IFT74: variants seen among roughly 807,000 people sequenced by gnomAD.
The protein encoded by IFT74 is intraflagellar transport 74.
IFT74 carries 92 observed loss-of-function variants against 96.7 expected under a neutral mutation model. That is an observed-to-expected ratio of 0.95 (90% CI 0.80 to 1.13). The LOEUF is 1.13. IFT74 is among the 50% of genes most tolerant of loss of function. IFT74 has a pLI of 0.00. For synonymous variants in IFT74, 223 were observed against 213.2 expected, an observed-to-expected ratio of 1.05 and a Z score of -0.40; for missense variants, 811 against 698.2, an observed-to-expected ratio of 1.16 and a Z score of -1.82.
At chr9:27,033,105 CAT>C (rs1364680345) in intron 13 of IFT74, among the ~76,000 whole-genome samples, 7 of 152,260 alleles carry the variant, frequency 4.6e-5, no homozygotes, top group African/African-American at 1.7e-4. Flanking sequence ...CATTGATAAA[CAT>C]ATTTTTAAAT....
chr9:27,018,584 C>T, intron 11 of IFT74, 63 bp from the exon 12 acceptor site: 2 of 846,260 alleles, frequency 2.4e-6, no homozygotes, highest in Non-Finnish European at 3.7e-6. Flanking sequence ...AGGAAATTAT[C>T]TTTAAGATAG....
chr9:26,973,182 A>C (rs1396254021), intron 2 of IFT74, among the ~76,000 whole-genome samples: 1 of 152,230 alleles, frequency 6.6e-6, no homozygotes, highest in South Asian at 2.1e-4. Context: ...ACTGATGATC[A>C]TAAGGAATTT....
At chr9:26,994,536 CAAAAA>C (rs1170964624) in intron 8 of IFT74, 3 of 58,308 alleles carry the variant, frequency 5.1e-5, no homozygotes, top group East Asian at 5.9e-4. Context: ...GACTTTGTCT[CAAAAA>C]AAAAAAAAAA....
chr9:27,040,078 T>C (rs896264609), intron 13 of IFT74, among the ~76,000 whole-genome samples: 2 of 152,166 alleles, frequency 1.3e-5, no homozygotes, highest in African/African-American at 2.4e-5. Context: ...GATACAGCCT[T>C]GAAAACGGCT....
chr9:27,048,124 A>G (rs747150354), intron 15 of IFT74, 24 bp from the exon 16 acceptor site: 7 of 1,518,184 alleles, frequency 4.6e-6, no homozygotes, highest in Admixed American at 2.0e-5. Context: ...ATTTTTTTCT[A>G]TTTTTATTTC....
chr9:26,951,869 G>T (rs983256696), upstream of IFT74, among the ~76,000 whole-genome samples: 1 of 152,196 alleles, frequency 6.6e-6, no homozygotes, highest in Admixed American at 6.5e-5. Flanking sequence ...CTCCACTCCA[G>T]CCTGGGTGAA....
chr9:26,964,019 T>C (rs1242614931), intron 2 of IFT74, among the ~76,000 whole-genome samples: 28 of 150,746 alleles, frequency 1.9e-4, no homozygotes, highest in South Asian at 1.3e-3. Context: ...TTTGGTGTTT[T>C]AGACATGAAG....
rs577399013 is a variant in IFT74 at position 27,000,775 on chromosome 9, C to T, written c.588-8245C>T. Among the ~76,000 whole-genome samples the T allele has an allele frequency of 2.0e-5, 3 of 152,248 alleles. No individual in the cohort carries two copies. In the South Asian group the frequency reaches 6.2e-4, roughly 32 times the overall value. On this transcript the variant is annotated intron_variant, in intron 8 of 19. Transcript: ENST00000380062. ...TGATCTGTGCAGCAAACCACCGTGG[C>T]ACATGTTTACCTATGTAACAAACCT...
At chr9:26,955,412 C>T (rs1299502084), upstream of IFT74, among the ~76,000 whole-genome samples, 1 of 152,092 alleles carries the variant, frequency 6.6e-6, no homozygotes, top group African/African-American at 2.4e-5. Context: ...GTTGAGTCCA[C>T]CAAATTAGAT....
chr9:27,017,118 A>T (rs1364660603), intron 11 of IFT74, 68 bp downstream of exon 11: 33 of 1,293,808 alleles, frequency 2.6e-5, no homozygotes, highest in South Asian at 6.3e-5. Flanking sequence ...TGTTTTTTTT[A>T]AAGGGATATT....
At chr9:26,998,360 A>G (rs1212191599) in intron 8 of IFT74, 10 of 585,484 alleles carry the variant, frequency 1.7e-5, no homozygotes, top group Non-Finnish European at 2.5e-5. Context: ...AAAACCTACT[A>G]TCTAATATTT....
intron 10 of IFT74, among the ~76,000 whole-genome samples, chr9:27,015,504 G>A (rs1288358542): frequency 6.6e-6 from 1 of 152,118 alleles, no homozygotes; most frequent in Non-Finnish European, 1.5e-5. Context: ...GGGCGTGGTG[G>A]CAGGCGCCTA....
In IFT74 at chr9:26,990,203, T is replaced by C. The variant is rs199955817; in HGVS notation, c.587+8T>C. On this transcript the variant is annotated splice_region_variant and intron_variant, in intron 8 of 19. Coordinates refer to ENST00000380062, the MANE Select transcript of IFT74 (RefSeq NM_025103.4). ...ATTTACTGAAAGACAAGCGTAAGTA[T>C]AGCTAATTTAAAAATTAGATTCATA... 74 of 1,358,416 alleles carry C rather than the reference T, an allele frequency of 5.4e-5. No individual in the cohort carries two copies. In the Middle Eastern group the frequency reaches 3.6e-3, roughly 67 times the overall value. The allele number at this position is 1,358,416 out of a possible 1,614,324, so 84.1% of individuals were successfully genotyped here.
intron 9 of IFT74, among the ~76,000 whole-genome samples, chr9:27,011,669 C>A (rs1480746614): frequency 1.4e-5 from 2 of 140,450 alleles, no homozygotes; most frequent in South Asian, 2.2e-4. Flanking sequence ...TTTTTGAAGG[C>A]ACACAGCAAG....
At chr9:27,013,631 T>A (rs1829214275) in intron 10 of IFT74, among the ~76,000 whole-genome samples, 1 of 152,250 alleles carries the variant, frequency 6.6e-6, no homozygotes, top group Non-Finnish European at 1.5e-5. Flanking sequence ...TATTTGAATT[T>A]TCATTTATTT....
rs551180395 is a variant in IFT74, at chr9:27,005,942, C to A, written c.588-3078C>A. ...GCAACCTCCACCTCCTGGGTTCAAG[C>A]AGTTCTCCTCCCTGCCTCAGCCTCC... On this transcript the variant is annotated intron_variant, in intron 8 of 19. Transcript: ENST00000380062. 2.6e-5 allele frequency among the ~76,000 whole-genome samples: 4 copies of A among 152,228 alleles called. No homozygotes were observed. The East Asian group carries it at 7.7e-4, about 29-fold the overall frequency.
intron 8 of IFT74, chr9:26,993,751 T>G (rs571408746): frequency 1.3e-5 from 2 of 152,330 alleles, no homozygotes; most frequent in African/African-American, 4.8e-5. Flanking sequence ...TATACCCTTA[T>G]TTAGCTCCCA....
In IFT74 at chr9:27,012,498, A is replaced by T. The variant is rs13440285; in HGVS notation, c.789+530A>T. The stretch of plus-strand genomic sequence containing the variant: ...TTCCCAATGTGCTGGGATTACAGGC[A>T]TGAGGCATTGTGCTCAGCCTCTAAT... On this transcript the variant is annotated intron_variant, in intron 10 of 19. Coordinates refer to ENST00000380062, the MANE Select transcript of IFT74 (RefSeq NM_025103.4). Among the ~76,000 whole-genome samples, 1,267 of 152,188 alleles carry T rather than the reference A, an allele frequency of 8.3e-3. 16 individuals are homozygous for T. Among genetic ancestry groups the T allele is most frequent in the African/African-American group, 0.028 (1,179 of 41,534 alleles).
At chr9:27,002,548 T>G (rs1183049938) in intron 8 of IFT74, among the ~76,000 whole-genome samples, 1 of 152,262 alleles carries the variant, frequency 6.6e-6, no homozygotes, top group Non-Finnish European at 1.5e-5. Flanking sequence ...GAAACAACTA[T>G]TATTTCTCCA....
Sources: allele counts gnomAD v4.1 joint callset (sites outside exome capture counted in the v4.1 genomes callset), GRCh38; gene constraint gnomAD v4.1.1; transcripts MANE v1.5; gene names NCBI Gene and HGNC (gene_info 2026-07-23, HGNC 2026-07-21).